Variants in SIPA1L2 observed in about 807,000 individuals in gnomAD.
The protein encoded by SIPA1L2 is signal-induced proliferation-associated 1-like protein 2.
In SIPA1L2, 56 loss-of-function variants were observed where a neutral mutation model predicts 163.9. The ratio of observed to expected loss-of-function variants is 0.34; its 90% CI spans 0.28 to 0.43. SIPA1L2 has a LOEUF of 0.43. Ranked by LOEUF, SIPA1L2 falls within the 20% of genes least tolerant of loss-of-function variation. SIPA1L2 has a pLI of 1.00. For synonymous variants in SIPA1L2, 877 were observed against 865.7 expected (o/e 1.01, Z -0.23); for missense variants, 1,974 against 2,193.5 (o/e 0.90, Z 2.00).
chr1:232,414,793 T>C (rs1661154006), intron 19 of SIPA1L2, among the ~76,000 whole-genome samples: 1 of 152,192 alleles, frequency 6.6e-6, no homozygotes, highest in South Asian at 2.1e-4. Context: ...GCCCCAGGTT[T>C]ACACAGTATC....
chr1:232,520,613 G>A (rs578053586), intron 2 of SIPA1L2, among the ~76,000 whole-genome samples: 182 of 152,164 alleles, frequency 1.2e-3, no homozygotes, highest in African/African-American at 4.1e-3. Context: ...CACAAATTAC[G>A]AGCCCCATTC....
chr1:232,521,329 T>C (rs1451689120), intron 2 of SIPA1L2, among the ~76,000 whole-genome samples: 1 of 152,214 alleles, frequency 6.6e-6, no homozygotes, highest in Non-Finnish European at 1.5e-5. Flanking sequence ...GAAAAGCTGA[T>C]CTCCTTGATG....
chr1:232,521,502 G>A (rs1667458113), intron 2 of SIPA1L2, among the ~76,000 whole-genome samples: 1 of 152,142 alleles, frequency 6.6e-6, no homozygotes, highest in Non-Finnish European at 1.5e-5. Flanking sequence ...GGAGCTCTTG[G>A]GTGACTCTGT....
chr1:232,516,779 AT>A (rs1667238174), intron 2 of SIPA1L2, among the ~76,000 whole-genome samples: 1 of 152,152 alleles, frequency 6.6e-6, no homozygotes, highest in African/African-American at 2.4e-5. Context: ...GGATTTTAAC[AT>A]TTTCAAACCG....
Position 232,404,107 on chromosome 1 carries a change from G to A in SIPA1L2, c.4816+18C>T, listed in dbSNP as rs1362309143. 10 of 1,613,824 alleles carry A rather than the reference G, an allele frequency of 6.2e-6. No homozygotes were observed. Among genetic ancestry groups the A allele is most frequent in the Non-Finnish European group, 8.5e-6 (10 of 1,179,844 alleles). On this transcript the variant is annotated intron_variant, in intron 20 of 22. Transcript: ENST00000674635. ...GTTACAGGATATCAGGAGCCAACGA[G>A]CAGCCCCAGACAATCACCTAGATAG...
intron 1 of SIPA1L2, among the ~76,000 whole-genome samples, chr1:232,602,076 G>C (rs951375314): frequency 1.3e-5 from 2 of 152,148 alleles, no homozygotes; most frequent in Non-Finnish European, 2.9e-5. Flanking sequence ...AATGCTACAA[G>C]GCAAGGAGGG....
chr1:232,527,182 T>C (rs761282241), intron 2 of SIPA1L2, among the ~76,000 whole-genome samples: 30 of 152,222 alleles, frequency 2.0e-4, no homozygotes, highest in Non-Finnish European at 4.4e-5. Flanking sequence ...AACTTTGTGG[T>C]ACAACTTCCA....
intron 10 of SIPA1L2, among the ~76,000 whole-genome samples, chr1:232,455,940 G>C (rs993024468): frequency 5.9e-5 from 9 of 152,052 alleles, no homozygotes; most frequent in Non-Finnish European, 1.2e-4. Context: ...ATAGACACTA[G>C]GGCTTATTGA....
intron 2 of SIPA1L2, among the ~76,000 whole-genome samples, chr1:232,558,686 T>C (rs1030434881): frequency 6.6e-6 from 1 of 152,182 alleles, no homozygotes; most frequent in African/African-American, 2.4e-5. Flanking sequence ...CCCATAAAAG[T>C]CTTCTGGAAG....
intron 22 of SIPA1L2, 41 bp from the exon 23 acceptor site, chr1:232,399,314 G>C: frequency 6.3e-7 from 1 of 1,592,692 alleles, no homozygotes; most frequent in South Asian, 1.1e-5. Context: ...GAGACTGATC[G>C]ATACATTCAT....
intron 10 of SIPA1L2, 111 bp from the exon 11 acceptor site, chr1:232,445,897 G>A (rs1286577376): frequency 4.9e-6 from 6 of 1,236,464 alleles, no homozygotes; most frequent in Admixed American, 4.4e-5. Context: ...TGCCTCTCCC[G>A]GCTCCAAGTC....
At chr1:232,568,200 C>CAGA (rs1659516050) in intron 2 of SIPA1L2, among the ~76,000 whole-genome samples, 1 of 152,198 alleles carries the variant, frequency 6.6e-6, no homozygotes, top group Non-Finnish European at 1.5e-5. Context: ...TCTAGTCAAT[C>CAGA]AGAAGCACAG....
intron 21 of SIPA1L2, chr1:232,402,687 T>C (rs971722631): frequency 1.9e-4 from 74 of 397,026 alleles, no homozygotes; most frequent in South Asian, 6.9e-5. Flanking sequence ...AGAAACTCTA[T>C]AGATATACGA....
At chr1:232,578,686 A>T (rs1319959062) in intron 1 of SIPA1L2, among the ~76,000 whole-genome samples, 2 of 152,174 alleles carry the variant, frequency 1.3e-5, no homozygotes, top group Non-Finnish European at 2.9e-5. Context: ...TGGTGTTGTA[A>T]TATCCCCAAC....
In SIPA1L2 at chr1:232,481,539, C is replaced by A. The variant is rs1457166435; in HGVS notation, c.1982-1809G>T. 4.6e-5 allele frequency among the ~76,000 whole-genome samples: 7 copies of A among 152,088 alleles called. No individual in the cohort carries two copies. In the East Asian group the frequency reaches 1.3e-3, roughly 29 times the overall value. On this transcript the variant is annotated intron_variant, in intron 6 of 22. Coordinates refer to ENST00000674635, the MANE Select transcript of SIPA1L2 (RefSeq NM_020808.5). ...TCAAGCCATACTAAAAGAGGAATTT[C>A]TAAAATTAAATATTCTGAAAGTTTT...
chr1:232,610,159 T>C (rs1662167186), intron 1 of SIPA1L2, among the ~76,000 whole-genome samples: 1 of 152,226 alleles, frequency 6.6e-6, no homozygotes, highest in Non-Finnish European at 1.5e-5. Flanking sequence ...ACAATAAAAA[T>C]TGAGGTTTTA....
chr1:232,622,951 C>G (rs1573190441), intron 1 of SIPA1L2, among the ~76,000 whole-genome samples: 1 of 152,168 alleles, frequency 6.6e-6, no homozygotes, highest in Non-Finnish European at 1.5e-5. Context: ...TACTGTGAGC[C>G]TATTATGTGG....
At chr1:232,546,881 A>G (rs1658062048) in intron 2 of SIPA1L2, among the ~76,000 whole-genome samples, 1 of 152,224 alleles carries the variant, frequency 6.6e-6, no homozygotes, top group Admixed American at 6.5e-5. Context: ...GAAGAAACGA[A>G]TACTCAGATC....
At chr1:232,425,025 A>G (rs1459539459) in intron 18 of SIPA1L2, among the ~76,000 whole-genome samples, 1 of 152,202 alleles carries the variant, frequency 6.6e-6, no homozygotes. Context: ...CGTCAGGTTG[A>G]CCTGTGACTA....
Sources: allele counts gnomAD v4.1 joint callset (sites outside exome capture counted in the v4.1 genomes callset), GRCh38; gene constraint gnomAD v4.1.1; transcripts MANE v1.5; gene names NCBI Gene and HGNC (gene_info 2026-07-23, HGNC 2026-07-21).